Variants in MGAT4C observed in about 807,000 individuals in gnomAD.
MGAT4C encodes the protein alpha-1,3-mannosyl-glycoprotein 4-beta-N-acetylglucosaminyltransferase C.
MGAT4C carries 19 observed loss-of-function variants against 40.1 expected under a neutral mutation model. The observed-to-expected ratio is 0.47, with a 90% CI of 0.33 to 0.70. The LOEUF (loss-of-function observed/expected upper bound fraction) is 0.70, where lower values mean the gene tolerates loss of function less well. Ranked by LOEUF, MGAT4C falls within the 30% of genes least tolerant of loss-of-function variation. The probability of loss-of-function intolerance (pLI) is 0.02; values close to 1 mark genes in which losing one functional copy is unlikely to be tolerated. For missense variants in MGAT4C, 491 were observed against 563.2 expected, an observed-to-expected ratio of 0.87 and a Z score of 1.30; for synonymous variants, 181 against 187.1, an observed-to-expected ratio of 0.97 and a Z score of 0.27.
chr12:86,698,941 G>A (rs1313180983), intron 2 of MGAT4C, among the ~76,000 whole-genome samples: 1 of 152,052 alleles, frequency 6.6e-6, no homozygotes, highest in Non-Finnish European at 1.5e-5. Context: ...GGAAAAAGAG[G>A]CAGTAAGCTC....
intron 1 of MGAT4C, chr12:86,068,289 C>T (rs1047765637): frequency 5.3e-5 from 8 of 152,176 alleles, no homozygotes; most frequent in African/African-American, 1.7e-4. Flanking sequence ...TCTTAATCTG[C>T]TTTGCAACTA....
chr12:86,028,234 T>G, intron 2 of MGAT4C: 1 of 1,207,740 alleles, frequency 8.3e-7, no homozygotes, highest in Non-Finnish European at 1.1e-6. Flanking sequence ...CAAAATCTTT[T>G]TCATTATTAT....
chr12:85,989,735 A>G (rs1233635275), intron 2 of MGAT4C, among the ~76,000 whole-genome samples, 183 bp from the exon 3 acceptor site: 2 of 152,084 alleles, frequency 1.3e-5, no homozygotes, highest in Non-Finnish European at 2.9e-5. Context: ...CATAAGATCA[A>G]TGCAGTGGTT....
chr12:86,283,395 GTTATA>G (rs1289947347), intron 4 of MGAT4C, among the ~76,000 whole-genome samples: 1 of 151,668 alleles, frequency 6.6e-6, no homozygotes, highest in Non-Finnish European at 1.5e-5. Context: ...GTTATATCAA[GTTATA>G]TTATATATAA....
At chr12:86,157,465 C>A (rs994458714) in intron 1 of MGAT4C, among the ~76,000 whole-genome samples, 1 of 151,948 alleles carries the variant, frequency 6.6e-6, no homozygotes, top group Non-Finnish European at 1.5e-5. Context: ...CTATTATTCA[C>A]CACATTTTTA....
chr12:86,628,981 G>A (rs966968615), intron 2 of MGAT4C, among the ~76,000 whole-genome samples: 4 of 151,924 alleles, frequency 2.6e-5, no homozygotes, highest in Admixed American at 6.6e-5. Context: ...ACCCATCAGC[G>A]CTATTAGTGC....
At chr12:86,072,205 G>A (rs1243586528) in intron 1 of MGAT4C, among the ~76,000 whole-genome samples, 1 of 152,072 alleles carries the variant, frequency 6.6e-6, no homozygotes, top group East Asian at 1.9e-4. Context: ...TGAGGTTACA[G>A]AGCTAGTAAA....
chr12:85,983,816 G>A, intron 3 of MGAT4C, 146 bp from the exon 4 acceptor site: 2 of 605,896 alleles, frequency 3.3e-6, no homozygotes, highest in South Asian at 4.3e-5. Flanking sequence ...GTCATAAGCT[G>A]TAGCTCATCA....
At chr12:86,212,362 C>A (rs962200611) in intron 1 of MGAT4C, among the ~76,000 whole-genome samples, 4 of 151,992 alleles carry the variant, frequency 2.6e-5, no homozygotes, top group African/African-American at 9.7e-5. Flanking sequence ...AATACATTAT[C>A]ATTTAAAATA....
At chr12:86,721,317 C>G (rs1174239038) in intron 2 of MGAT4C, among the ~76,000 whole-genome samples, 1 of 151,684 alleles carries the variant, frequency 6.6e-6, no homozygotes, top group African/African-American at 2.4e-5. Flanking sequence ...GGGTGCATTA[C>G]GTCAACATTT....
At chr12:86,676,366 A>C (rs188945019) in intron 2 of MGAT4C, among the ~76,000 whole-genome samples, 8 of 152,314 alleles carry the variant, frequency 5.3e-5, no homozygotes, top group Non-Finnish European at 8.8e-5. Context: ...ACAGGGGGAA[A>C]CCTTCTTTAT....
chr12:86,425,402 G>C (rs1033215940), intron 3 of MGAT4C, among the ~76,000 whole-genome samples: 4 of 152,044 alleles, frequency 2.6e-5, no homozygotes, highest in Non-Finnish European at 5.9e-5. Flanking sequence ...CCTCGCTCTT[G>C]CTCTCTTGCT....
chr12:86,597,198 T>C (rs193281543), intron 2 of MGAT4C, among the ~76,000 whole-genome samples: 38 of 152,282 alleles, frequency 2.5e-4, no homozygotes, highest in South Asian at 2.3e-3. Context: ...TAAATACTTG[T>C]AGGTTACTGC....
intron 3 of MGAT4C, among the ~76,000 whole-genome samples, chr12:86,362,772 C>T (rs1955507274): frequency 6.8e-6 from 1 of 146,414 alleles, no homozygotes; most frequent in African/African-American, 2.5e-5. Flanking sequence ...GAGGCTGAGG[C>T]AGGAGAGTGG....
rs1962211674 is a variant in MGAT4C, at chr12:86,610,496, T to C, written c.-229+116713A>G. 1.3e-5 allele frequency among the ~76,000 whole-genome samples: 2 copies of C among 152,122 alleles called. 1 individual carries two copies. Among genetic ancestry groups the C allele is most frequent in the South Asian group, 4.1e-4 (2 of 4,830 alleles). ...TTTAATATTGCCTGATGTATCTCAT[T>C]GCGTCATTCTCCTGGAAGCAGACAC... On this transcript the variant is annotated intron_variant, in intron 2 of 7. Transcript: ENST00000548651.
chr12:86,088,657 T>C (rs1244474370), intron 1 of MGAT4C, among the ~76,000 whole-genome samples: 2 of 151,810 alleles, frequency 1.3e-5, no homozygotes, highest in Admixed American at 6.6e-5. Flanking sequence ...ATTAGAGAAA[T>C]GAAAATCAAA....
chr12:86,293,257 A>G (rs1953572174), intron 4 of MGAT4C, among the ~76,000 whole-genome samples: 1 of 152,158 alleles, frequency 6.6e-6, no homozygotes, highest in Non-Finnish European at 1.5e-5. Flanking sequence ...GTTGAAAAAA[A>G]TAGATATTGT....
intron 3 of MGAT4C, among the ~76,000 whole-genome samples, chr12:86,408,479 C>CTCTCTATATATATATATATA (rs1267344319): frequency 1.6e-5 from 1 of 63,342 alleles, no homozygotes; most frequent in African/African-American, 7.8e-5. Flanking sequence ...CTCTCTCTCT[C>CTCTCTATATATATATATATA]TATATATATA....
chr12:86,582,469 CCTACACTG>C (rs1449490376), intron 2 of MGAT4C, among the ~76,000 whole-genome samples: 3 of 151,150 alleles, frequency 2.0e-5, no homozygotes, highest in Non-Finnish European at 4.4e-5. Context: ...TCCAATTATG[CCTACACTG>C]TGATAATAAA....
Sources: gnomAD v4.1 joint callset for allele counts (sites outside exome capture counted in the v4.1 genomes callset) on GRCh38, gnomAD v4.1.1 for gene constraint, MANE v1.5 for transcripts, NCBI Gene and HGNC (gene_info 2026-07-23, HGNC 2026-07-21) for gene names.